Variants in FAP observed in about 807,000 individuals in gnomAD.
FAP encodes the protein prolyl endopeptidase FAP.
Under a neutral mutation model 126.5 loss-of-function variants are expected in FAP, and 110 were observed. That is an observed-to-expected ratio of 0.87 (90% CI 0.74 to 1.02). The LOEUF (loss-of-function observed/expected upper bound fraction) is 1.02, where lower values mean the gene tolerates loss of function less well. Ranked by LOEUF, FAP falls within the 50% of genes least tolerant of loss-of-function variation. The pLI is 0.00. For missense variants in FAP, 919 were observed against 909.2 expected (o/e 1.01, Z -0.14); for synonymous variants, 334 against 297.3 (o/e 1.12, Z -1.27).
intron 2 of FAP, among the ~76,000 whole-genome samples, chr2:162,241,231 T>C (rs535396543): frequency 4.6e-5 from 7 of 152,220 alleles, no homozygotes; most frequent in Non-Finnish European, 1.0e-4. Context: ...ATCACTTTAT[T>C]CTTAGAATTT....
intron 6 of FAP, among the ~76,000 whole-genome samples, chr2:162,221,963 C>T (rs1171952108): frequency 1.3e-5 from 2 of 151,958 alleles, no homozygotes; most frequent in Non-Finnish European, 1.5e-5. Context: ...TGACCACCCC[C>T]CCACCAAAAA....
At chr2:162,207,781 G>C (rs1688765341) in intron 12 of FAP, among the ~76,000 whole-genome samples, 1 of 150,524 alleles carries the variant, frequency 6.6e-6, no homozygotes, top group South Asian at 2.1e-4. Context: ...CGCGATCTCT[G>C]CTCACTGCAA....
chr2:162,179,483 A>G (rs1454887283), intron 21 of FAP, among the ~76,000 whole-genome samples: 1 of 152,190 alleles, frequency 6.6e-6, no homozygotes, highest in East Asian at 1.9e-4. Context: ...CTTTGGGCTC[A>G]GAAACAAAGC....
intron 4 of FAP, 114 bp downstream of exon 4, chr2:162,225,369 G>A (rs1689594319): frequency 1.5e-6 from 2 of 1,358,608 alleles, no homozygotes; most frequent in Non-Finnish European, 2.0e-6. Flanking sequence ...GTGGAGTATG[G>A]AGCTGGGAAG....
At chr2:162,215,797 G>A in intron 10 of FAP, 101 bp downstream of exon 10, 1 of 788,144 alleles carries the variant, frequency 1.3e-6, no homozygotes, top group Non-Finnish European at 2.1e-6. Flanking sequence ...TTAGCTTTGT[G>A]TGCAACTCTT....
chr2:162,215,711 G>A (rs976433175), intron 10 of FAP, among the ~76,000 whole-genome samples, 187 bp downstream of exon 10: 3 of 152,176 alleles, frequency 2.0e-5, no homozygotes, highest in South Asian at 2.1e-4. Context: ...CCGAGGTCAC[G>A]TTTATATGTG....
chr2:162,208,796 A>T lies in FAP; in HGVS notation c.1047+1156T>A, dbSNP rs77255843. 6.1e-3 allele frequency among the ~76,000 whole-genome samples: 920 copies of T among 150,956 alleles called. 7 individuals carry two copies. The highest frequency in any genetic ancestry group is 7.9e-3 in the Non-Finnish European group (534 of 67,748). ...CTTTTTTTCCTGTGATATTTAGGACAGTAGGAAAAGTGAGTTCAAATAGGA... is the reference window on the plus strand; with the variant it reads ...CTTTTTTTCCTGTGATATTTAGGACTGTAGGAAAAGTGAGTTCAAATAGGA... On this transcript the variant is annotated intron_variant, in intron 12 of 25. Coordinates refer to ENST00000188790, the MANE Select transcript of FAP (RefSeq NM_004460.5).
chr2:162,202,799 G>A, intron 14 of FAP, 73 bp downstream of exon 14: 1 of 1,073,310 alleles, frequency 9.3e-7, no homozygotes, highest in South Asian at 1.3e-5. Context: ...TAAGAGAGTT[G>A]GTACAGTATC....
In FAP at chr2:162,222,396, T is replaced by A. The variant is rs147472490; in HGVS notation, c.413+1212A>T. On this transcript the variant is annotated intron_variant, in intron 6 of 25. Transcript: ENST00000188790. ...CAAGAAGGACTCAGAATGCATTAGA[T>A]GGATTTTAGATTCTACTTTAAAAAG... Among the ~76,000 whole-genome samples the A allele has an allele frequency of 3.6e-3, 545 of 152,356 alleles. 3 individuals are homozygous for A. Among genetic ancestry groups the A allele is most frequent in the Non-Finnish European group, 4.7e-3 (321 of 68,024 alleles).
At chr2:162,210,268 C>A (rs564139666) in intron 11 of FAP, among the ~76,000 whole-genome samples, 1 of 152,254 alleles carries the variant, frequency 6.6e-6, no homozygotes, top group East Asian at 1.9e-4. Flanking sequence ...TCTATGGAGG[C>A]CCAGCACAAT....
intron 8 of FAP, 95 bp from the exon 9 acceptor site, chr2:162,218,235 T>A: frequency 1.2e-6 from 1 of 843,462 alleles, no homozygotes; most frequent in Non-Finnish European, 1.8e-6. Flanking sequence ...ACTGAAATAA[T>A]TTATTTAATG....
In FAP at chr2:162,219,925, T is replaced by C; in HGVS notation, c.414A>G (p.Gly138=). 6.2e-7 allele frequency: 1 copy of C among 1,608,216 alleles called. No individual in the cohort carries two copies. Among genetic ancestry groups the C allele is most frequent in the Non-Finnish European group, 8.5e-7 (1 of 1,175,144 alleles). ...ATYYIYDLSN[G]EFVRGNELPR... Reference sequence around the variant, plus strand: ...GAAGCTCATTTCCTCTTACAAATTCTCTAGAAGGAAAGAAAGAAAGAAAAA... The same window carrying C: ...GAAGCTCATTTCCTCTTACAAATTCCCTAGAAGGAAAGAAAGAAAGAAAAA... Residue 138 remains glycine (G), a splice_region_variant and synonymous_variant, in exon 7 of 26, where the codon GGA becomes GGG. Coordinates refer to ENST00000188790, the MANE Select transcript of FAP (RefSeq NM_004460.5).
chr2:162,217,596 C>T (rs558322230), intron 9 of FAP, among the ~76,000 whole-genome samples: 1 of 152,274 alleles, frequency 6.6e-6, no homozygotes, highest in African/African-American at 2.4e-5. Context: ...CTGACAGGAA[C>T]ATCAAATTCA....
chr2:162,187,714 T>C (rs1165296901), intron 20 of FAP, among the ~76,000 whole-genome samples: 1 of 152,130 alleles, frequency 6.6e-6, no homozygotes, highest in Non-Finnish European at 1.5e-5. Flanking sequence ...GGCCGACTGA[T>C]AGCTAGTTTA....
In FAP at chr2:162,203,116, A is replaced by G. The variant is rs759426561; in HGVS notation, c.1077T>C (p.Tyr359=). ...GFFVSTPVFS[Y]DAISYYKIFS... ...ATATTTTGTAGTACGAAATGGCATC[A>G]TAGCTGAAAACTGGTGTTGAAACAA... Residue 359 remains tyrosine (Y), a synonymous_variant, in exon 13 of 26, where the codon TAT becomes TAC. Transcript: ENST00000188790. The G allele has an allele frequency of 2.5e-6, 4 of 1,612,976 alleles. No homozygotes were observed. The highest frequency in any genetic ancestry group is 4.5e-5 in the East Asian group (2 of 44,872).
At chr2:162,221,323 A>G (rs573503528) in intron 6 of FAP, among the ~76,000 whole-genome samples, 3 of 152,238 alleles carry the variant, frequency 2.0e-5, no homozygotes, top group African/African-American at 7.2e-5. Flanking sequence ...TGAGGCCAGG[A>G]GTTCGAGACC....
At chr2:162,177,473 C>T (rs539360006) in intron 21 of FAP, among the ~76,000 whole-genome samples, 129 of 152,212 alleles carry the variant, frequency 8.5e-4, no homozygotes, top group African/African-American at 2.9e-3. Flanking sequence ...TTTGAACTCT[C>T]CAAGCATGAT....
At position 162,172,877 on chromosome 2, in the gene FAP, C is replaced by T; in HGVS notation, c.2115G>A (p.Val705=). Residue 705 remains valine (V), a synonymous_variant, in exon 25 of 26, where the codon GTG becomes GTA. Transcript: ENST00000188790. ...LLIHGTADDN[V]HFQNSAQIAK... ...CAATCTGTGCTGAGTTTTGAAAGTG[C>T]ACATTATCTGCAACAAAGAGAGAGA... 1.2e-6 allele frequency: 2 copies of T among 1,611,638 alleles called. No homozygotes were observed. The highest frequency in any genetic ancestry group is 1.7e-6 in the Non-Finnish European group (2 of 1,178,146).
Position 162,225,492 on chromosome 2 carries a change from A to G in FAP, c.276T>C (p.Asn92=), listed in dbSNP as rs745993813. Residue 92 remains asparagine (N), a synonymous_variant, in exon 4 of 26, where the codon AAT becomes AAC. Coordinates refer to ENST00000188790, the MANE Select transcript of FAP (RefSeq NM_004460.5). ...GATGTTGGATACATACCATGGTTCT[A>G]TTACTCAAAATGGTATATGATTGTC... ...ETGQSYTILS[N]RTMKSVNASN... 1.1e-5 allele frequency: 17 copies of G among 1,598,780 alleles called. No homozygotes were observed. The African/African-American group carries it at 1.1e-4, about 10-fold the overall frequency.
Sources: allele counts gnomAD v4.1 joint callset (sites outside exome capture counted in the v4.1 genomes callset), GRCh38; gene constraint gnomAD v4.1.1; transcripts MANE v1.5; gene names NCBI Gene and HGNC (gene_info 2026-07-23, HGNC 2026-07-21).